ROBO2: variants seen among roughly 807,000 people sequenced by gnomAD.
ROBO2 encodes roundabout homolog 2.
In ROBO2, 53 loss-of-function variants were observed where a neutral mutation model predicts 160.8. That is an observed-to-expected ratio of 0.33 (90% confidence interval 0.26 to 0.41). The LOEUF is 0.41. Ranked by LOEUF, ROBO2 falls within the 10% of genes least tolerant of loss-of-function variation. The pLI, the probability that ROBO2 is intolerant of heterozygous loss-of-function variation, is 1.00. For synonymous variants in ROBO2, 664 were observed against 611.7 expected (o/e 1.09, Z -1.26); for missense variants, 1,577 against 1,722.4 (o/e 0.92, Z 1.49).
chr3:76,417,969 C>G (rs1446658636), intron 2 of ROBO2, among the ~76,000 whole-genome samples: 6 of 151,796 alleles, frequency 4.0e-5, no homozygotes, highest in Admixed American at 6.6e-5. Flanking sequence ...AACTTTTGCA[C>G]CAACCTTTAA....
intron 2 of ROBO2, among the ~76,000 whole-genome samples, chr3:75,959,875 T>C (rs1394394294): frequency 6.6e-6 from 1 of 151,678 alleles, no homozygotes; most frequent in Non-Finnish European, 1.5e-5. Context: ...ATATACAAAA[T>C]GGTCAATTAT....
At chr3:77,622,132 A>C in intron 22 of ROBO2, 95 bp from the exon 24 acceptor site, 1 of 1,068,818 alleles carries the variant, frequency 9.4e-7, no homozygotes, top group Non-Finnish European at 1.4e-6. Flanking sequence ...GGAAGAAGAC[A>C]GTATGAGTTA....
intron 2 of ROBO2, among the ~76,000 whole-genome samples, chr3:76,105,078 GTA>G (rs1350521396): frequency 2.6e-5 from 4 of 151,912 alleles, no homozygotes; most frequent in Non-Finnish European, 5.9e-5. Context: ...TAAGCTCTCA[GTA>G]TCAGCTTTCA....
chr3:76,845,516 G>A (rs1048947067), intron 2 of ROBO2, among the ~76,000 whole-genome samples: 3 of 151,984 alleles, frequency 2.0e-5, no homozygotes, highest in Non-Finnish European at 2.9e-5. Context: ...CCAAGATCTC[G>A]AAGTTGCAAA....
intron 2 of ROBO2, among the ~76,000 whole-genome samples, chr3:77,104,283 T>C (rs994473272): frequency 6.6e-6 from 1 of 152,180 alleles, no homozygotes; most frequent in Non-Finnish European, 1.5e-5. Context: ...CATTTTCCTA[T>C]TCTGGACATT....
chr3:76,077,341 T>G (rs1008823300), intron 2 of ROBO2, among the ~76,000 whole-genome samples: 6 of 152,064 alleles, frequency 3.9e-5, no homozygotes, highest in Non-Finnish European at 7.4e-5. Context: ...GGTGGGTGGA[T>G]CACTTGAGGT....
chr3:77,462,902 A>T (rs2082386571), intron 2 of ROBO2, among the ~76,000 whole-genome samples: 1 of 152,168 alleles, frequency 6.6e-6, no homozygotes, highest in South Asian at 2.1e-4. Flanking sequence ...TGCATATTCC[A>T]AACCCAGCTC....
At chr3:76,811,823 TTCCTTCCTTCCTTCTTTCCTTCCTTCC>T (rs2065197760) in intron 2 of ROBO2, among the ~76,000 whole-genome samples, 4 of 75,626 alleles carry the variant, frequency 5.3e-5, no homozygotes, top group Non-Finnish European at 8.6e-5. Flanking sequence ...CCTTCCTTCC[TTCCTTCCTTCCTTCTTTCCTTCCTTCC>T]TTCCTTCCTT....
At chr3:76,108,060 C>A (rs2070027062) in intron 2 of ROBO2, among the ~76,000 whole-genome samples, 1 of 151,970 alleles carries the variant, frequency 6.6e-6, no homozygotes, top group Non-Finnish European at 1.5e-5. Context: ...ATAGCATACT[C>A]TTTTTATTAG....
intron 2 of ROBO2, among the ~76,000 whole-genome samples, chr3:77,378,574 C>T (rs187795380): frequency 3.9e-4 from 60 of 152,178 alleles, no homozygotes; most frequent in African/African-American, 1.3e-3. Flanking sequence ...AGTGGTAAAG[C>T]CAGGATTTGA....
In ROBO2 at chr3:76,717,602, G is replaced by A. The variant is rs114621632; in HGVS notation, c.110-380412G>A. Among the ~76,000 whole-genome samples the A allele has an allele frequency of 9.4e-3, 1,429 of 152,222 alleles. 28 individuals are homozygous for A. The highest frequency in any genetic ancestry group is 0.033 in the African/African-American group (1,353 of 41,528). ...CACCACGGAATATCAGCTGAGTTTG[G>A]TGCTTCAGGTAGGCGATCAAACTGA... On this transcript the variant is annotated intron_variant, in intron 2 of 26. Transcript: ENST00000487694.
intron 5 of ROBO2, among the ~76,000 whole-genome samples, chr3:77,499,038 ATGTCTTATCCATGTC>A (rs2087176874): frequency 6.6e-6 from 1 of 152,250 alleles, no homozygotes; most frequent in Non-Finnish European, 1.5e-5. Flanking sequence ...TGCTATACAG[ATGTCTTATCCATGTC>A]TGTCTAAAAA....
chr3:77,285,491 A>G (rs538576256), intron 2 of ROBO2, among the ~76,000 whole-genome samples: 7 of 152,294 alleles, frequency 4.6e-5, no homozygotes, highest in African/African-American at 1.7e-4. Context: ...ATGTAAGAAA[A>G]TGGGACTCTC....
chr3:77,197,536 T>A (rs1417368550), intron 2 of ROBO2, among the ~76,000 whole-genome samples: 2 of 152,200 alleles, frequency 1.3e-5, no homozygotes, highest in African/African-American at 4.8e-5. Flanking sequence ...GAGTCAGGGC[T>A]AGTAAGAAAA....
At chr3:77,566,004 G>T (rs1354316222) in intron 12 of ROBO2, among the ~76,000 whole-genome samples, 2 of 152,012 alleles carry the variant, frequency 1.3e-5, no homozygotes, top group Non-Finnish European at 2.9e-5. Flanking sequence ...ACTTCCCACA[G>T]GGTTCTTCAG....
chr3:76,619,001 A>G (rs980725715), intron 2 of ROBO2, among the ~76,000 whole-genome samples: 1 of 151,834 alleles, frequency 6.6e-6, no homozygotes, highest in Non-Finnish European at 1.5e-5. Flanking sequence ...AAGTAATCAT[A>G]AACCTCTGAG....
chr3:76,485,742 A>C (rs941826681), intron 2 of ROBO2, among the ~76,000 whole-genome samples: 6 of 152,108 alleles, frequency 3.9e-5, no homozygotes, highest in Non-Finnish European at 5.9e-5. Flanking sequence ...TACATACAAA[A>C]TTTTGCTTTT....
At chr3:76,368,122 T>C (rs1440848939) in intron 2 of ROBO2, among the ~76,000 whole-genome samples, 1 of 151,876 alleles carries the variant, frequency 6.6e-6, no homozygotes, top group Non-Finnish European at 1.5e-5. Context: ...TCCTTAGGTG[T>C]CATATCAATA....
chr3:76,600,286 A>G (rs1243692528), intron 2 of ROBO2, among the ~76,000 whole-genome samples: 1 of 152,204 alleles, frequency 6.6e-6, no homozygotes, highest in Non-Finnish European at 1.5e-5. Flanking sequence ...CCCAGCATTT[A>G]CTAAATAGGG....
Sources: gnomAD v4.1 joint callset for allele counts (sites outside exome capture counted in the v4.1 genomes callset) on GRCh38, gnomAD v4.1.1 for gene constraint, MANE v1.5 for transcripts, NCBI Gene and HGNC (gene_info 2026-07-23, HGNC 2026-07-21) for gene names.